The following RAB3GAP2 variants were observed in gnomAD, a reference collection of about 807,000 sequenced individuals.
The protein encoded by RAB3GAP2 is RAB3 GTPase activating non-catalytic protein subunit 2.
Under a neutral mutation model 185.3 loss-of-function variants are expected in RAB3GAP2, and 87 were observed. The ratio of observed to expected loss-of-function variants is 0.47; its 90% CI spans 0.39 to 0.56. RAB3GAP2 has a LOEUF of 0.56. RAB3GAP2 is among the 20% of genes least tolerant of loss of function. The probability of loss-of-function intolerance (pLI) is 0.00; values close to 1 mark genes in which losing one functional copy is unlikely to be tolerated. For missense variants in RAB3GAP2, 1,492 were observed against 1,638.2 expected (o/e 0.91, Z 1.54); for synonymous variants, 554 against 576.1 (o/e 0.96, Z 0.55).
In RAB3GAP2 at chr1:220,182,759, A is replaced by G; in HGVS notation, c.2171T>C (p.Leu724Pro). Residue 724 changes from leucine (L) to proline (P), a missense_variant, in exon 20 of 35, where the codon CTC (leucine) becomes CCC (proline). Leu to Pro is a moderately conservative substitution (Grantham distance 98). Transcript: ENST00000358951. Reference sequence around the variant, plus strand: ...CTCTTCACTTATTTTCTTTATGTTGAGCACATCCTTTTCATATTCTAAATA... The same window carrying G: ...CTCTTCACTTATTTTCTTTATGTTGGGCACATCCTTTTCATATTCTAAATA... ...LEYLEYEKDVLNIKKISEEEY... is the reference protein window; with the variant it reads ...LEYLEYEKDVPNIKKISEEEY... The G allele has an allele frequency of 1.9e-6, 3 of 1,611,462 alleles. No individual in the cohort carries two copies. The highest frequency in any genetic ancestry group is 2.5e-6 in the Non-Finnish European group (3 of 1,179,542).
rs1351387756 is a variant in RAB3GAP2, at chr1:220,184,025, G to A, written c.1998+11C>T. On this transcript the variant is annotated intron_variant, in intron 19 of 34. Transcript: ENST00000358951. The stretch of plus-strand genomic sequence containing the variant: ...ATTATTTTATATAATATAAAATGTG[G>A]GATTACTCACATTATCAGAGAATGG... The A allele has an allele frequency of 6.6e-7, 1 of 1,513,958 alleles. No individual in the cohort carries two copies. 93.8% of individuals were successfully genotyped at this position (1,513,958 alleles called of 1,614,324 possible).
At chr1:220,263,870 T>G (rs1284694929) in intron 1 of RAB3GAP2, among the ~76,000 whole-genome samples, 3 of 152,118 alleles carry the variant, frequency 2.0e-5, no homozygotes, top group Non-Finnish European at 4.4e-5. Context: ...ACCTTCAAAT[T>G]TTTTGTTCAT....
At chr1:220,175,424 G>A (rs375762510) in intron 21 of RAB3GAP2, among the ~76,000 whole-genome samples, 16 of 151,880 alleles carry the variant, frequency 1.1e-4, no homozygotes, top group South Asian at 8.3e-4. Context: ...TCACTATGTT[G>A]GCCAGGCTGG....
In RAB3GAP2 at chr1:220,233,242, TA is replaced by T. The variant is rs377359699; in HGVS notation, c.116-380del. On this transcript the variant is annotated intron_variant, in intron 1 of 34. Coordinates refer to ENST00000358951, the MANE Select transcript of RAB3GAP2 (RefSeq NM_012414.4). ...GATACTGGACAAATATACACGGTGA[TA>T]AAAAAAACACCTAAAATTTCACAGA... is the stretch of plus-strand genomic sequence containing the variant. Among the ~76,000 whole-genome samples, 1,434 of 152,062 alleles carry T rather than the reference TA, an allele frequency of 9.4e-3. 23 individuals carry two copies. Among genetic ancestry groups the T allele is most frequent in the African/African-American group, 0.032 (1,308 of 41,494 alleles).
At chr1:220,239,869 T>C (rs1659657974) in intron 1 of RAB3GAP2, among the ~76,000 whole-genome samples, 2 of 151,796 alleles carry the variant, frequency 1.3e-5, no homozygotes, top group Admixed American at 1.3e-4. Flanking sequence ...ACATCAATAA[T>C]GGAAAACCAA....
intron 1 of RAB3GAP2, among the ~76,000 whole-genome samples, chr1:220,260,086 A>C (rs1373242501): frequency 1.3e-5 from 2 of 152,194 alleles, no homozygotes; most frequent in African/African-American, 4.8e-5. Flanking sequence ...AGGTCAAAAA[A>C]CAACAGATTC....
At chr1:220,267,756 G>T in intron 1 of RAB3GAP2, 1 of 1,537,604 alleles carries the variant, frequency 6.5e-7, no homozygotes, top group Non-Finnish European at 9.0e-7. Context: ...AACACGCTGC[G>T]AAGAATTTGA....
intron 1 of RAB3GAP2, among the ~76,000 whole-genome samples, chr1:220,258,053 A>C (rs567754876): frequency 1.3e-5 from 2 of 152,284 alleles, no homozygotes; most frequent in African/African-American, 4.8e-5. Context: ...GAAGAAACTG[A>C]ATCTCTGAAC....
At chr1:220,186,691 A>G (rs1055300645) in intron 17 of RAB3GAP2, among the ~76,000 whole-genome samples, 1 of 152,182 alleles carries the variant, frequency 6.6e-6, no homozygotes, top group Non-Finnish European at 1.5e-5. Context: ...TAGAAGACCT[A>G]TAACTTTTGT....
chr1:220,171,192 T>G (rs969160172), intron 23 of RAB3GAP2, 72 bp from the exon 24 acceptor site: 20 of 1,347,754 alleles, frequency 1.5e-5, no homozygotes, highest in Non-Finnish European at 2.1e-5. Flanking sequence ...AGCTTTTAAC[T>G]TGAAAGCTGA....
chr1:220,272,136 A>C, intron 1 of RAB3GAP2, 87 bp downstream of exon 1: 1 of 1,138,746 alleles, frequency 8.8e-7, no homozygotes, highest in Non-Finnish European at 1.3e-6. Flanking sequence ...CAGAGGCAGG[A>C]GGCGCAGAGC....
intron 1 of RAB3GAP2, among the ~76,000 whole-genome samples, chr1:220,249,775 A>AG (rs955562744): frequency 6.6e-6 from 1 of 152,164 alleles, no homozygotes. Flanking sequence ...CATGGCTAAA[A>AG]GGGGTCAACA....
At chr1:220,156,268 G>A (rs188201022) in intron 31 of RAB3GAP2, among the ~76,000 whole-genome samples, 1 of 152,168 alleles carries the variant, frequency 6.6e-6, no homozygotes, top group East Asian at 1.9e-4. Context: ...TCTCATTTAA[G>A]GGTGAAATAA....
chr1:220,163,742 TAC>T (rs201991507), intron 27 of RAB3GAP2, among the ~76,000 whole-genome samples: 4,709 of 102,842 alleles, frequency 0.046, 160 homozygotes, highest in South Asian at 0.058. Flanking sequence ...TATAAATACA[TAC>T]ATATATATAT....
chr1:220,172,938 C>T (rs917815784), intron 21 of RAB3GAP2, among the ~76,000 whole-genome samples, 196 bp from the exon 22 acceptor site: 6 of 152,132 alleles, frequency 3.9e-5, no homozygotes, highest in African/African-American at 1.4e-4. Context: ...TTCTCTATAA[C>T]CTGTTGTATA....
chr1:220,262,214 T>C (rs994549329), intron 1 of RAB3GAP2, among the ~76,000 whole-genome samples: 7 of 151,266 alleles, frequency 4.6e-5, no homozygotes, highest in African/African-American at 1.5e-4. Flanking sequence ...GGGAGGAGAA[T>C]GGTGTGAACC....
chr1:220,154,181 T>C, intron 31 of RAB3GAP2, 124 bp from the exon 32 acceptor site: 2 of 1,360,630 alleles, frequency 1.5e-6, no homozygotes, highest in South Asian at 2.7e-5. Context: ...AACAGTAAGA[T>C]TTTAGAATAA....
At chr1:220,199,769 T>TA (rs1161277696) in intron 9 of RAB3GAP2, among the ~76,000 whole-genome samples, 1 of 152,162 alleles carries the variant, frequency 6.6e-6, no homozygotes, top group African/African-American at 2.4e-5. Flanking sequence ...AAGAAACCCT[T>TA]AATTCTTTCC....
At chr1:220,192,505 T>C (rs1430967687) in intron 13 of RAB3GAP2, among the ~76,000 whole-genome samples, 2 of 152,234 alleles carry the variant, frequency 1.3e-5, no homozygotes, top group East Asian at 3.8e-4. Flanking sequence ...ACAATGTGCC[T>C]AGTTAAAAGA....
Sources: gnomAD v4.1 joint callset for allele counts (sites outside exome capture counted in the v4.1 genomes callset) on GRCh38, gnomAD v4.1.1 for gene constraint, MANE v1.5 for transcripts, NCBI Gene and HGNC (gene_info 2026-07-23, HGNC 2026-07-21) for gene names.